Variants in ZNF804A observed in about 807,000 individuals in gnomAD.
ZNF804A encodes zinc finger protein 804A.
Under a neutral mutation model 16.5 loss-of-function variants are expected in ZNF804A, and 2 were observed. The ratio of observed to expected loss-of-function variants is 0.12; its 90% confidence interval spans 0.05 to 0.38. The LOEUF is 0.38. Among genes scored for constraint, ZNF804A ranks in the 10% least tolerant of loss-of-function variants. The pLI is 0.99. For synonymous variants in ZNF804A, 534 were observed against 489.6 expected (o/e 1.09, Z -1.20); for missense variants, 1,473 against 1,390.7 (o/e 1.06, Z -0.94).
At chr2:184,721,655 G>A (rs1600578) in intron 1 of ZNF804A, among the ~76,000 whole-genome samples, 47,024 of 151,920 alleles carry the variant, frequency 0.31, 9,555 homozygotes, top group African/African-American at 0.58. Context: ...ATTAATATAA[G>A]CATTATGGAG....
At chr2:184,839,693 C>T (rs373300498) in intron 1 of ZNF804A, among the ~76,000 whole-genome samples, 9 of 151,852 alleles carry the variant, frequency 5.9e-5, no homozygotes, top group African/African-American at 9.7e-5. Context: ...AATTAATTCA[C>T]GATGTAAGAA....
At chr2:184,903,384 C>T (rs1685216804) in intron 2 of ZNF804A, among the ~76,000 whole-genome samples, 1 of 152,106 alleles carries the variant, frequency 6.6e-6, no homozygotes, top group South Asian at 2.1e-4. Context: ...CGTATACTTA[C>T]CATTGTGTTA....
At chr2:184,790,477 G>C (rs1200529048) in intron 1 of ZNF804A, among the ~76,000 whole-genome samples, 1 of 151,736 alleles carries the variant, frequency 6.6e-6, no homozygotes, top group African/African-American at 2.4e-5. Context: ...CTATCAATCT[G>C]TTTTCTTAGA....
intron 1 of ZNF804A, among the ~76,000 whole-genome samples, chr2:184,754,237 T>G (rs1033753710): frequency 2.0e-5 from 3 of 151,912 alleles, no homozygotes; most frequent in African/African-American, 7.2e-5. Flanking sequence ...ACAGATATTG[T>G]GCAGTTTAGT....
rs1559007991 is a variant in ZNF804A, at chr2:184,935,810, A to G, written c.414A>G (p.Lys138=). The change falls in exon 4 of 4, where the codon AAA becomes AAG. Residue 138 remains lysine (K), a synonymous_variant. Transcript: ENST00000302277. ...VCAPGSGPMF[K]STTVTVRENC... ...CTCCTGGAAGTGGCCCCATGTTCAA[A>G]TCAACAACTGTTACTGTGAGAGAAA... The G allele has an allele frequency of 6.2e-7, 1 of 1,610,490 alleles. No homozygotes were observed. Among genetic ancestry groups the G allele is most frequent in the Non-Finnish European group, 8.5e-7 (1 of 1,178,206 alleles).
chr2:184,713,165 A>T (rs967613403), intron 1 of ZNF804A, among the ~76,000 whole-genome samples: 13 of 151,752 alleles, frequency 8.6e-5, no homozygotes, highest in African/African-American at 2.9e-4. Flanking sequence ...TTCAATAGTA[A>T]AGGACCTTAA....
At chr2:184,811,889 T>A (rs1447908119) in intron 1 of ZNF804A, among the ~76,000 whole-genome samples, 1 of 152,172 alleles carries the variant, frequency 6.6e-6, no homozygotes, top group Non-Finnish European at 1.5e-5. Context: ...GCAGATTAAT[T>A]CAGCAGAAAA....
At chr2:184,780,535 A>G (rs1257106023) in intron 1 of ZNF804A, among the ~76,000 whole-genome samples, 1 of 151,696 alleles carries the variant, frequency 6.6e-6, no homozygotes, top group Non-Finnish European at 1.5e-5. Flanking sequence ...TCAGAACCTT[A>G]ATCACAGATG....
intron 2 of ZNF804A, among the ~76,000 whole-genome samples, chr2:184,878,327 C>G (rs1194309358): frequency 2.0e-5 from 3 of 152,020 alleles, no homozygotes; most frequent in Non-Finnish European, 4.4e-5. Flanking sequence ...GGGAGAACTA[C>G]CACAAAGCTC....
At chr2:184,677,893 A>G (rs1692465334) in intron 1 of ZNF804A, among the ~76,000 whole-genome samples, 1 of 151,958 alleles carries the variant, frequency 6.6e-6, no homozygotes, top group Non-Finnish European at 1.5e-5. Flanking sequence ...ACAGGCTTGC[A>G]TGAGTTTACA....
intron 1 of ZNF804A, among the ~76,000 whole-genome samples, chr2:184,608,838 T>A (rs1219730404): frequency 6.6e-6 from 1 of 152,190 alleles, no homozygotes; most frequent in Non-Finnish European, 1.5e-5. Flanking sequence ...CAAAGAGGGC[T>A]TGTGCCACAT....
intron 1 of ZNF804A, among the ~76,000 whole-genome samples, chr2:184,845,969 G>A (rs1695508351): frequency 6.6e-6 from 1 of 152,058 alleles, no homozygotes. Flanking sequence ...GAATGTGATT[G>A]TTTCTCTGGA....
intron 1 of ZNF804A, among the ~76,000 whole-genome samples, chr2:184,604,498 G>A (rs1691110203): frequency 6.6e-6 from 1 of 152,040 alleles, no homozygotes; most frequent in Admixed American, 6.6e-5. Context: ...ATACAGATCA[G>A]CGAGAATTTC....
At chr2:184,718,081 C>T (rs1693243169) in intron 1 of ZNF804A, among the ~76,000 whole-genome samples, 1 of 152,154 alleles carries the variant, frequency 6.6e-6, no homozygotes, top group Admixed American at 6.5e-5. Flanking sequence ...GTTTATTGGA[C>T]TTACAGTTAC....
rs750665155 is a variant in ZNF804A, at chr2:184,937,248, T to A, written c.1852T>A (p.Cys618Ser). Residue 618 changes from cysteine (C) to serine (S), a missense_variant, in exon 4 of 4, where the codon TGC becomes AGC. Physicochemically the swap from Cys to Ser is moderately radical, Grantham distance 112. Coordinates refer to ENST00000302277, the MANE Select transcript of ZNF804A (RefSeq NM_194250.2). ...GAAAACCAAAGAATCAGAAACTCGCTGCAAAATGGAAGCAGAGAATAGTTA... is the reference window on the plus strand; with the variant it reads ...GAAAACCAAAGAATCAGAAACTCGCAGCAAAATGGAAGCAGAGAATAGTTA... ...MEKTKESETR[C>S]KMEAENSYTE... is the part of the protein sequence containing the mutation. 34 of 1,611,648 alleles carry A rather than the reference T, an allele frequency of 2.1e-5. No individual in the cohort carries two copies. In the Admixed American group the frequency reaches 5.6e-4, roughly 26 times the overall value.
intron 1 of ZNF804A, among the ~76,000 whole-genome samples, chr2:184,746,431 G>A (rs923362847): frequency 6.6e-6 from 1 of 150,440 alleles, no homozygotes; most frequent in East Asian, 1.9e-4. Flanking sequence ...GTACATAGTA[G>A]GTGTATATAT....
chr2:184,709,752 A>T (rs950055419), intron 1 of ZNF804A, among the ~76,000 whole-genome samples: 2 of 150,792 alleles, frequency 1.3e-5, no homozygotes, highest in African/African-American at 4.8e-5. Context: ...GGCTCCAAAC[A>T]TAAACTTCCT....
chr2:184,683,510 T>C (rs1449720295), intron 1 of ZNF804A, among the ~76,000 whole-genome samples: 3 of 152,208 alleles, frequency 2.0e-5, no homozygotes, highest in African/African-American at 7.2e-5. Flanking sequence ...CATTTATTGT[T>C]CTTATTTATT....
At chr2:184,818,323 A>G (rs971890278) in intron 1 of ZNF804A, among the ~76,000 whole-genome samples, 10 of 152,042 alleles carry the variant, frequency 6.6e-5, no homozygotes, top group Non-Finnish European at 7.4e-5. Flanking sequence ...TCAGAAGTGA[A>G]AGAGAAAGAG....
Sources: gnomAD v4.1 joint callset for allele counts (sites outside exome capture counted in the v4.1 genomes callset) on GRCh38, gnomAD v4.1.1 for gene constraint, MANE v1.5 for transcripts, NCBI Gene and HGNC (gene_info 2026-07-23, HGNC 2026-07-21) for gene names.